Variants in AXDND1 observed in about 807,000 individuals in gnomAD.
AXDND1 encodes axonemal dynein light chain domain-containing protein 1.
AXDND1 carries 110 observed loss-of-function variants against 137.5 expected under a neutral mutation model. The ratio of observed to expected loss-of-function variants is 0.80; its 90% confidence interval spans 0.69 to 0.94. AXDND1 has a LOEUF of 0.94. Among genes scored for constraint, AXDND1 ranks in the 40% least tolerant of loss-of-function variants. The pLI is 0.00. For missense variants in AXDND1, 1,191 were observed against 1,169.8 expected, an observed-to-expected ratio of 1.02 and a Z score of -0.26; for synonymous variants, 414 against 399.7, an observed-to-expected ratio of 1.04 and a Z score of -0.43.
At chr1:179,447,731 C>T (rs1659941081) in intron 16 of AXDND1, 1 of 1,348,758 alleles carries the variant, frequency 7.4e-7, no homozygotes, top group East Asian at 2.3e-5. Flanking sequence ...AAACTATTTG[C>T]ACCAGTAGCT....
chr1:179,491,355 C>G (rs1214844505), intron 18 of AXDND1, among the ~76,000 whole-genome samples, 183 bp from the exon 19 acceptor site: 1 of 151,932 alleles, frequency 6.6e-6, no homozygotes, highest in Non-Finnish European at 1.5e-5. Context: ...AAGAGAGTAG[C>G]TTAGTGTCAT....
chr1:179,519,335 G>A (rs1273851962), intron 21 of AXDND1, among the ~76,000 whole-genome samples: 1 of 152,144 alleles, frequency 6.6e-6, no homozygotes, highest in African/African-American at 2.4e-5. Flanking sequence ...TCTGTAGGTT[G>A]TCTGTTTACT....
chr1:179,464,466 G>A (rs1443901956), intron 16 of AXDND1, among the ~76,000 whole-genome samples: 2 of 152,168 alleles, frequency 1.3e-5, no homozygotes, highest in African/African-American at 2.4e-5. Context: ...GGCTTGTAGA[G>A]CTTCTGCCAA....
intron 20 of AXDND1, among the ~76,000 whole-genome samples, chr1:179,502,293 G>A (rs1668069486): frequency 1.3e-5 from 2 of 152,148 alleles, no homozygotes; most frequent in Admixed American, 6.5e-5. Flanking sequence ...GGCCGAGTGT[G>A]GTGGCTTACG....
chr1:179,525,207 T>G, intron 21 of AXDND1, 127 bp from the exon 22 acceptor site: 1 of 933,276 alleles, frequency 1.1e-6, no homozygotes, highest in Non-Finnish European at 1.5e-6. Flanking sequence ...ACTATTCTTA[T>G]CAACCTTTGT....
At chr1:179,380,775 T>G (rs1648134143) in intron 6 of AXDND1, among the ~76,000 whole-genome samples, 1 of 152,186 alleles carries the variant, frequency 6.6e-6, no homozygotes, top group South Asian at 2.1e-4. Context: ...ATGAAATTCA[T>G]TTTTTGGGTA....
At chr1:179,476,277 A>G (rs898184612) in intron 17 of AXDND1, among the ~76,000 whole-genome samples, 9 of 151,866 alleles carry the variant, frequency 5.9e-5, no homozygotes, top group Middle Eastern at 6.8e-3. Context: ...GCTCCCATCC[A>G]CCTCTTGTGT....
intron 16 of AXDND1, among the ~76,000 whole-genome samples, chr1:179,446,660 C>T (rs77272543): frequency 0.018 from 2,671 of 152,300 alleles, 62 homozygotes; most frequent in African/African-American, 0.059. Context: ...CACCCTTTCA[C>T]ATACTCTAAT....
chr1:179,522,174 TTCTC>T (rs1670123167), intron 21 of AXDND1, among the ~76,000 whole-genome samples: 1 of 152,150 alleles, frequency 6.6e-6, no homozygotes. Flanking sequence ...TTCTTTCATA[TTCTC>T]TCTCTATTTC....
At chr1:179,550,024 T>G (rs987048041) in intron 25 of AXDND1, among the ~76,000 whole-genome samples, 1 of 152,176 alleles carries the variant, frequency 6.6e-6, no homozygotes, top group African/African-American at 2.4e-5. Flanking sequence ...TTACCTGCCT[T>G]TGACTTATTT....
chr1:179,486,889 GACT>G (rs1284684863), intron 18 of AXDND1, among the ~76,000 whole-genome samples: 1 of 148,592 alleles, frequency 6.7e-6, no homozygotes, highest in Non-Finnish European at 1.5e-5. Flanking sequence ...TGGGTATTTA[GACT>G]ACTATAAAGC....
Position 179,468,488 on chromosome 1 carries a change from G to A in AXDND1, c.1844G>A (p.Cys615Tyr). Residue 615 changes from cysteine to tyrosine, a missense_variant, in exon 17 of 26, where the codon TGT (cysteine) becomes TAT (tyrosine). Transcript: ENST00000367618. ...AGTTTGATTAGTTCTCTTGACTTCT[G>A]TTCTTTCAAGTTGGAAAACCTGGAG... is the stretch of plus-strand genomic sequence containing the variant. ...LPSLISSLDFCSFKLENLEFP... is the reference protein window; with the variant it reads ...LPSLISSLDFYSFKLENLEFP... The A allele has an allele frequency of 6.2e-7, 1 of 1,612,848 alleles. No homozygotes were observed. Among genetic ancestry groups the A allele is most frequent in the Non-Finnish European group, 8.5e-7 (1 of 1,179,722 alleles).
intron 16 of AXDND1, among the ~76,000 whole-genome samples, chr1:179,463,510 T>A (rs6699724): frequency 0.23 from 34,976 of 151,924 alleles, 4,325 homozygotes; most frequent in East Asian, 0.35. Flanking sequence ...CTATTCTTTT[T>A]CATTTACTGA....
At chr1:179,441,710 G>GTAC (rs1328158117) in intron 15 of AXDND1, among the ~76,000 whole-genome samples, 1 of 152,264 alleles carries the variant, frequency 6.6e-6, no homozygotes, top group East Asian at 1.9e-4. Context: ...TTAGCGGCCT[G>GTAC]TACACACTGC....
In AXDND1 at chr1:179,486,916, T is replaced by C. The variant is rs552426158; in HGVS notation, c.2091+3695T>C. Among the ~76,000 whole-genome samples, 16 of 148,810 alleles carry C rather than the reference T, an allele frequency of 1.1e-4. 1 individual carries two copies. The highest frequency in any genetic ancestry group is 4.1e-4 in the African/African-American group (16 of 39,140). ...CTACTATAAAGCAACCAAACAAGTCTGCATAGTAGCCAGCTAACAACATGA... is the reference window on the plus strand; with the variant it reads ...CTACTATAAAGCAACCAAACAAGTCCGCATAGTAGCCAGCTAACAACATGA... On this transcript the variant is annotated intron_variant, in intron 18 of 25. Coordinates refer to ENST00000367618, the MANE Select transcript of AXDND1 (RefSeq NM_144696.6).
intron 16 of AXDND1, among the ~76,000 whole-genome samples, chr1:179,463,274 C>G (rs1482336884): frequency 6.6e-6 from 1 of 152,214 alleles, no homozygotes; most frequent in East Asian, 1.9e-4. Context: ...AAATTTCCCT[C>G]TACACACTGC....
At chr1:179,413,276 G>T (rs7545701) in intron 12 of AXDND1, among the ~76,000 whole-genome samples, 23 of 151,894 alleles carry the variant, frequency 1.5e-4, no homozygotes, top group Non-Finnish European at 1.5e-5. Context: ...TCAGGGGTAC[G>T]TGTGCAGGAT....
At chr1:179,408,765 T>C (rs1222408905) in intron 11 of AXDND1, among the ~76,000 whole-genome samples, 1 of 152,138 alleles carries the variant, frequency 6.6e-6, no homozygotes, top group African/African-American at 2.4e-5. Flanking sequence ...ACTGCAGCCT[T>C]GACCTCAATG....
chr1:179,429,890 A>T (rs1657125878), intron 13 of AXDND1, among the ~76,000 whole-genome samples: 1 of 150,636 alleles, frequency 6.6e-6, no homozygotes, highest in Non-Finnish European at 1.5e-5. Context: ...AAGTAAAAAA[A>T]GTAAATAGCT....
Sources: gnomAD v4.1 joint callset for allele counts (sites outside exome capture counted in the v4.1 genomes callset) on GRCh38, gnomAD v4.1.1 for gene constraint, MANE v1.5 for transcripts, NCBI Gene and HGNC (gene_info 2026-07-23, HGNC 2026-07-21) for gene names.